The following DYNC1I1 variants were observed in gnomAD, a reference collection of about 807,000 sequenced individuals.
The protein encoded by DYNC1I1 is cytoplasmic dynein 1 intermediate chain 1.
DYNC1I1 carries 43 observed loss-of-function variants against 86.6 expected under a neutral mutation model. The ratio of observed to expected loss-of-function variants is 0.50; its 90% CI spans 0.39 to 0.64. The LOEUF (loss-of-function observed/expected upper bound fraction) is 0.64, where lower values mean the gene tolerates loss of function less well. DYNC1I1 is among the 30% of genes least tolerant of loss of function. DYNC1I1 has a pLI of 0.00. For synonymous variants in DYNC1I1, 262 were observed against 283.7 expected, an observed-to-expected ratio of 0.92 and a Z score of 0.77; for missense variants, 604 against 788.8, an observed-to-expected ratio of 0.77 and a Z score of 2.81.
chr7:95,777,803 A>C (rs1337527601), intron 1 of DYNC1I1, among the ~76,000 whole-genome samples: 1 of 152,198 alleles, frequency 6.6e-6, no homozygotes, highest in African/African-American at 2.4e-5. Context: ...TAACCGTTCC[A>C]GTGTGCTTCA....
In DYNC1I1 at chr7:96,029,487, G is replaced by A. The variant is rs575048932; in HGVS notation, c.1116+1166G>A. Reference sequence around the variant, plus strand: ...GTAAATCCAAATGTTAGAACATTTAGCAGTAAGCTTTTGGGGAAAATTCAA... The same window carrying A: ...GTAAATCCAAATGTTAGAACATTTAACAGTAAGCTTTTGGGGAAAATTCAA... On this transcript the variant is annotated intron_variant, in intron 11 of 16. Coordinates refer to ENST00000447467, the MANE Select transcript of DYNC1I1 (RefSeq NM_001135556.2). 3.9e-5 allele frequency among the ~76,000 whole-genome samples: 6 copies of A among 152,244 alleles called. No individual in the cohort carries two copies. The East Asian group carries it at 1.2e-3, about 29-fold the overall frequency.
At chr7:95,860,897 T>A (rs147320307) in intron 5 of DYNC1I1, among the ~76,000 whole-genome samples, 41 of 152,260 alleles carry the variant, frequency 2.7e-4, no homozygotes, top group African/African-American at 9.1e-4. Context: ...CATGATGTAA[T>A]TACTTTCTAA....
At chr7:95,781,591 A>G (rs1793995427) in intron 1 of DYNC1I1, among the ~76,000 whole-genome samples, 1 of 152,198 alleles carries the variant, frequency 6.6e-6, no homozygotes, top group Non-Finnish European at 1.5e-5. Context: ...TTCATTTTTG[A>G]CGATGGGTCA....
chr7:95,917,540 T>C (rs377411770), intron 6 of DYNC1I1, among the ~76,000 whole-genome samples: 1 of 152,180 alleles, frequency 6.6e-6, no homozygotes, highest in Non-Finnish European at 1.5e-5. Context: ...CCACCACTTA[T>C]ATAGGTATAT....
intron 5 of DYNC1I1, among the ~76,000 whole-genome samples, chr7:95,852,293 A>G (rs1789599617): frequency 6.6e-6 from 1 of 151,960 alleles, no homozygotes; most frequent in Non-Finnish European, 1.5e-5. Flanking sequence ...ATTTGTTGTC[A>G]TATAATTGTT....
rs995738820 is a variant in DYNC1I1 at position 96,075,073 on chromosome 7, G to A, written c.1510-984G>A. On this transcript the variant is annotated intron_variant, in intron 14 of 16. Transcript: ENST00000447467. Reference sequence around the variant, plus strand: ...CATTAATTGATCAGGGATTAGTAAAGCCATTATGCAGAAATTAGAATAAGA... The same window carrying A: ...CATTAATTGATCAGGGATTAGTAAAACCATTATGCAGAAATTAGAATAAGA... Among the ~76,000 whole-genome samples the A allele has an allele frequency of 5.9e-5, 9 of 152,188 alleles. No homozygotes were observed. In the South Asian group the frequency reaches 8.3e-4, roughly 14 times the overall value.
intron 6 of DYNC1I1, among the ~76,000 whole-genome samples, chr7:95,948,638 A>G (rs1410128006): frequency 6.6e-6 from 1 of 152,188 alleles, no homozygotes; most frequent in Admixed American, 6.5e-5. Flanking sequence ...ATCAAAGCTA[A>G]CATTTATTGA....
In DYNC1I1 at chr7:95,923,986, G is replaced by A. The variant is rs191150625; in HGVS notation, c.491-53526G>A. On this transcript the variant is annotated intron_variant, in intron 6 of 16. Coordinates refer to ENST00000447467, the MANE Select transcript of DYNC1I1 (RefSeq NM_001135556.2). ...TCATATTGGGCACCTCTTTATAGCC[G>A]TATTATTTGCCAAGGAAAAACAAGA... 1.4e-3 allele frequency among the ~76,000 whole-genome samples: 216 copies of A among 152,162 alleles called. 2 individuals carry two copies. The highest frequency in any genetic ancestry group is 4.1e-3 in the African/African-American group (169 of 41,530).
chr7:95,947,913 C>T (rs929564624), intron 6 of DYNC1I1, among the ~76,000 whole-genome samples: 1 of 150,712 alleles, frequency 6.6e-6, no homozygotes, highest in Non-Finnish European at 1.5e-5. Context: ...CCCTGTTGCA[C>T]TGTAAATTCT....
rs144924193 is a variant in DYNC1I1 at position 95,970,324 on chromosome 7, C to A, written c.491-7188C>A. 3.1e-3 allele frequency among the ~76,000 whole-genome samples: 467 copies of A among 152,324 alleles called. 3 individuals carry two copies. The highest frequency in any genetic ancestry group is 0.011 in the African/African-American group (442 of 41,566). ...TGGCTTTAGTCTTGCCACCCTCCTG[C>A]AGCCTCCACGTTGCTGCCATATCCT... On this transcript the variant is annotated intron_variant, in intron 6 of 16. Transcript: ENST00000447467.
intron 16 of DYNC1I1, among the ~76,000 whole-genome samples, chr7:96,104,316 T>C (rs1791182261): frequency 6.6e-6 from 1 of 152,174 alleles, no homozygotes; most frequent in African/African-American, 2.4e-5. Flanking sequence ...TCCCAGCATA[T>C]GCTTTAGAAC....
intron 6 of DYNC1I1, among the ~76,000 whole-genome samples, chr7:95,900,012 CT>C (rs998577098): frequency 4.1e-4 from 63 of 152,264 alleles, no homozygotes; most frequent in African/African-American, 1.5e-3. Context: ...AAGGAGGTAT[CT>C]GTTCCATGGG....
At chr7:96,036,355 A>G (rs74965456) in intron 13 of DYNC1I1, among the ~76,000 whole-genome samples, 1 of 152,330 alleles carries the variant, frequency 6.6e-6, no homozygotes, top group East Asian at 1.9e-4. Context: ...AAAGAACAAG[A>G]CAGACCTAGA....
chr7:95,974,728 T>C (rs2115612426), intron 6 of DYNC1I1, among the ~76,000 whole-genome samples: 1 of 152,298 alleles, frequency 6.6e-6, no homozygotes, highest in Admixed American at 6.5e-5. Flanking sequence ...GGTTGTAGAA[T>C]ACCTGATAAA....
intron 1 of DYNC1I1, among the ~76,000 whole-genome samples, chr7:95,775,502 AAAAAAGCGAGTGTATGTCTGTATCTTT>A: frequency 6.6e-6 from 1 of 152,232 alleles, no homozygotes; most frequent in African/African-American, 2.4e-5. Context: ...TGTGAGAGAC[AAAAAAGCGAGTGTATGTCTGTATCTTT>A]CAGGTTTGCT....
In DYNC1I1 at chr7:95,933,024, G is replaced by A. The variant is rs555282997; in HGVS notation, c.491-44488G>A. Among the ~76,000 whole-genome samples the A allele has an allele frequency of 3.3e-5, 5 of 151,846 alleles. No individual in the cohort carries two copies. The South Asian group carries it at 1.0e-3, about 32-fold the overall frequency. On this transcript the variant is annotated intron_variant, in intron 6 of 16. Transcript: ENST00000447467. ...GCTTCCTGAGTGTCTGGGCCTGCAG[G>A]CTTGTGTCATCACACTTGGCTAATT...
chr7:95,926,533 AG>A (rs1791750847), intron 6 of DYNC1I1, among the ~76,000 whole-genome samples: 1 of 152,174 alleles, frequency 6.6e-6, no homozygotes. Context: ...TAGAATTATA[AG>A]GGTTTTGTTT....
chr7:95,937,565 G>C (rs906731315), intron 6 of DYNC1I1, among the ~76,000 whole-genome samples: 1 of 150,708 alleles, frequency 6.6e-6, no homozygotes, highest in African/African-American at 2.4e-5. Flanking sequence ...TATGCATGTA[G>C]ATCAGATATT....
chr7:96,026,852 C>A (rs557559084), intron 10 of DYNC1I1, among the ~76,000 whole-genome samples: 3 of 152,092 alleles, frequency 2.0e-5, no homozygotes, highest in African/African-American at 7.2e-5. Context: ...ACAAATCTTC[C>A]CCTTCCATCT....
Sources: gnomAD v4.1 joint callset for allele counts (sites outside exome capture counted in the v4.1 genomes callset) on GRCh38, gnomAD v4.1.1 for gene constraint, MANE v1.5 for transcripts, NCBI Gene and HGNC (gene_info 2026-07-23, HGNC 2026-07-21) for gene names.